The following MYLK4 variants were observed in gnomAD, a reference collection of about 807,000 sequenced individuals.
MYLK4 encodes the protein myosin light chain kinase family member 4, also known as caMLCK like.
MYLK4 carries 46 observed loss-of-function variants against 48.1 expected under a neutral mutation model. That is an observed-to-expected ratio of 0.96 (90% CI 0.75 to 1.22). The LOEUF (loss-of-function observed/expected upper bound fraction) is 1.22. Ranked by LOEUF, MYLK4 falls within the 50% of genes most tolerant of loss-of-function variation. MYLK4 has a pLI of 0.00. For missense variants in MYLK4, 451 were observed against 486.1 expected (o/e 0.93, Z 0.68); for synonymous variants, 170 against 180.8 (o/e 0.94, Z 0.48).
intron 2 of MYLK4, among the ~76,000 whole-genome samples, chr6:2,703,665 CTTTTTT>C (rs3055234): frequency 1.1e-5 from 1 of 95,120 alleles, no homozygotes; most frequent in Non-Finnish European, 1.9e-5. Context: ...TTTGTGAATT[CTTTTTT>C]TTTTTTTTTT....
chr6:2,754,783 G>A (rs531840259), upstream of MYLK4, among the ~76,000 whole-genome samples: 12 of 152,252 alleles, frequency 7.9e-5, no homozygotes, highest in Non-Finnish European at 1.6e-4. Flanking sequence ...CCAAGGCTGG[G>A]ATCCAGGGAA....
At position 2,671,333 on chromosome 6, in the gene MYLK4, C is replaced by T. The variant is rs1201391743; in HGVS notation, c.1135G>A (p.Gly379Ser). The stretch of plus-strand genomic sequence containing the variant: ...GTCACAAAGTCCTGGGCATCAGAGC[C>T]ACGATTCTTCTTCTTCTAGGGAAAG... ...RLNAQKKKNR[G>S]SDAQDFVTK Residue 379 changes from glycine (G) to serine (S), a missense_variant, in exon 12 of 13, where the codon GGC (glycine) becomes AGC (serine). By Grantham distance (56) the Gly-to-Ser change is moderately conservative. Transcript: ENST00000274643. 6.2e-7 allele frequency: 1 copy of T among 1,614,054 alleles called. No individual in the cohort carries two copies. Among genetic ancestry groups the T allele is most frequent in the Non-Finnish European group, 8.5e-7 (1 of 1,179,984 alleles).
chr6:2,714,111 G>A (rs1744187191), intron 2 of MYLK4, among the ~76,000 whole-genome samples: 1 of 152,194 alleles, frequency 6.6e-6, no homozygotes, highest in Non-Finnish European at 1.5e-5. Context: ...GACTGAACAT[G>A]GAATTGAGGT....
chr6:2,680,041 T>C (rs1212833474), intron 8 of MYLK4, among the ~76,000 whole-genome samples, 180 bp downstream of exon 8: 1 of 152,246 alleles, frequency 6.6e-6, no homozygotes, highest in African/African-American at 2.4e-5. Context: ...GCATGCATTA[T>C]AGAAACTTCT....
the MYLK4 span, chr6:2,766,378 G>A: frequency 6.2e-7 from 1 of 1,609,048 alleles, no homozygotes; most frequent in Non-Finnish European, 8.5e-7. Context: ...ATACCCTGCT[G>A]CGCTCGCTCC....
upstream of MYLK4, among the ~76,000 whole-genome samples, chr6:2,751,593 T>C (rs1018912503): frequency 9.9e-5 from 15 of 152,200 alleles, no homozygotes; most frequent in African/African-American, 2.2e-4. Context: ...CATAAAACTT[T>C]GATTGCCCAG....
chr6:2,700,687 C>T (rs1022972709), intron 2 of MYLK4, among the ~76,000 whole-genome samples: 6 of 152,142 alleles, frequency 3.9e-5, no homozygotes, highest in Non-Finnish European at 7.3e-5. Flanking sequence ...ATCTATGGGG[C>T]ATCCTGGGAG....
At position 2,678,357 on chromosome 6, in the gene MYLK4, C is replaced by T. The variant is rs770086556; in HGVS notation, c.903G>A (p.Ser301=). 2.1e-5 allele frequency: 34 copies of T among 1,613,736 alleles called. No individual in the cohort carries two copies. Among genetic ancestry groups the T allele is most frequent in the Middle Eastern group, 1.7e-4 (1 of 5,956 alleles). Residue 301 remains serine (S), a synonymous_variant, in exon 10 of 13, where the codon TCG becomes TCA. Transcript: ENST00000274643. ...VIAYMLLSGL[S]PFLGDNDAET... The stretch of plus-strand genomic sequence containing the variant: ...CAGCATCATTGTCACCCAGGAAAGG[C>T]GACAAACCGCTAAGTCTGGAGGACA...
chr6:2,727,258 A>G (rs535449040), intron 2 of MYLK4, among the ~76,000 whole-genome samples: 1 of 152,340 alleles, frequency 6.6e-6, no homozygotes, highest in South Asian at 2.1e-4. Context: ...CCTTCAACAT[A>G]AAAACCTGGA....
chr6:2,703,663 TTC>T (rs1762381760), intron 2 of MYLK4, among the ~76,000 whole-genome samples: 1 of 97,488 alleles, frequency 1.0e-5, no homozygotes, highest in African/African-American at 3.9e-5. Flanking sequence ...CCTTTGTGAA[TTC>T]TTTTTTTTTT....
chr6:2,765,558 G>T, the MYLK4 span: 18 of 1,380,386 alleles, frequency 1.3e-5, no homozygotes, highest in Non-Finnish European at 1.6e-5. Context: ...GGAGGGCATC[G>T]AAGGCCTCCG....
chr6:2,668,308 G>A (rs1267447390), intron 12 of MYLK4, among the ~76,000 whole-genome samples: 1 of 152,142 alleles, frequency 6.6e-6, no homozygotes, highest in Non-Finnish European at 1.5e-5. Flanking sequence ...CCTCAGGTGT[G>A]GGGAGGTTTC....
chr6:2,747,894 G>A (rs1263519043), intron 2 of MYLK4, among the ~76,000 whole-genome samples: 1 of 152,176 alleles, frequency 6.6e-6, no homozygotes, highest in East Asian at 1.9e-4. Flanking sequence ...AATTTTGCCT[G>A]TAGATATTTC....
the MYLK4 span, among the ~76,000 whole-genome samples, chr6:2,756,418 A>C: frequency 2.6e-5 from 4 of 152,018 alleles, no homozygotes; most frequent in Non-Finnish European, 5.9e-5. Context: ...TACTGTTTTC[A>C]CCCTGTTTCT....
At chr6:2,671,998 T>G (rs1163720424) in intron 11 of MYLK4, among the ~76,000 whole-genome samples, 2 of 152,116 alleles carry the variant, frequency 1.3e-5, no homozygotes, top group South Asian at 4.1e-4. Context: ...ATTTTTTCAG[T>G]CAAGGTCTGA....
intron 3 of MYLK4, among the ~76,000 whole-genome samples, chr6:2,690,860 C>T (rs952443204): frequency 1.1e-4 from 13 of 123,366 alleles, no homozygotes; most frequent in South Asian, 2.6e-4. Context: ...GACCGAGTCT[C>T]GCTCTGTCGC....
At chr6:2,687,270 T>A (rs1761594863) in intron 4 of MYLK4, among the ~76,000 whole-genome samples, 1 of 152,238 alleles carries the variant, frequency 6.6e-6, no homozygotes, top group African/African-American at 2.4e-5. Flanking sequence ...CACTTGGTGA[T>A]GTCTGCATTT....
chr6:2,763,011 G>A, the MYLK4 span, among the ~76,000 whole-genome samples: 8 of 152,174 alleles, frequency 5.3e-5, no homozygotes, highest in Non-Finnish European at 8.8e-5. Context: ...AGAAAGCCAA[G>A]CGGGTCTCCA....
At chr6:2,736,406 C>G (rs1426741251) in intron 2 of MYLK4, among the ~76,000 whole-genome samples, 1 of 152,244 alleles carries the variant, frequency 6.6e-6, no homozygotes, top group Non-Finnish European at 1.5e-5. Context: ...AGGCACCTGC[C>G]ACCACACCCA....
Sources: gnomAD v4.1 joint callset for allele counts (sites outside exome capture counted in the v4.1 genomes callset) on GRCh38, gnomAD v4.1.1 for gene constraint, MANE v1.5 for transcripts, NCBI Gene and HGNC (gene_info 2026-07-23, HGNC 2026-07-21) for gene names.